Variants in ARHGAP22 observed in about 807,000 individuals in gnomAD.
The protein encoded by ARHGAP22 is rho GTPase-activating protein 22.
In ARHGAP22, 48 loss-of-function variants were observed where a neutral mutation model predicts 59.1. The observed-to-expected ratio is 0.81, with a 90% CI of 0.64 to 1.03. The LOEUF is 1.03. Among genes scored for constraint, ARHGAP22 ranks in the 50% least tolerant of loss-of-function variants. The pLI is 0.00. For synonymous variants in ARHGAP22, 445 were observed against 416.4 expected, an observed-to-expected ratio of 1.07 and a Z score of -0.84; for missense variants, 1,015 against 958.7, an observed-to-expected ratio of 1.06 and a Z score of -0.78.
chr10:48,537,619 C>T (rs571362762), intron 3 of ARHGAP22, among the ~76,000 whole-genome samples: 1 of 152,368 alleles, frequency 6.6e-6, no homozygotes, highest in African/African-American at 2.4e-5. Flanking sequence ...ATTACTGTCA[C>T]CATCCAGTGA....
At chr10:48,585,657 A>G (rs2059384787) in intron 1 of ARHGAP22, among the ~76,000 whole-genome samples, 1 of 152,162 alleles carries the variant, frequency 6.6e-6, no homozygotes, top group Non-Finnish European at 1.5e-5. Flanking sequence ...AGCAGCTGTG[A>G]TAGATCTATG....
chr10:48,443,122 C>G (rs1381789949), downstream of ARHGAP22, among the ~76,000 whole-genome samples: 1 of 152,104 alleles, frequency 6.6e-6, no homozygotes, highest in Non-Finnish European at 1.5e-5. Context: ...TGGCATTTTT[C>G]AGGACTTCTC....
chr10:48,582,615 A>G (rs889023854), intron 2 of ARHGAP22: 3 of 328,730 alleles, frequency 9.1e-6, no homozygotes, highest in Admixed American at 4.7e-5. Context: ...CCTGCAAGAT[A>G]CAAGTAATGA....
At chr10:48,465,466 C>T (rs987624979) in intron 4 of ARHGAP22, among the ~76,000 whole-genome samples, 5 of 152,382 alleles carry the variant, frequency 3.3e-5, no homozygotes, top group African/African-American at 4.8e-5. Context: ...GGCCACCTTC[C>T]GGGGTGTGAG....
chr10:48,575,872 C>A (rs1168876104), intron 2 of ARHGAP22, among the ~76,000 whole-genome samples: 3 of 152,194 alleles, frequency 2.0e-5, no homozygotes, highest in Admixed American at 1.3e-4. Flanking sequence ...TTGGCCTCAG[C>A]TGATATTAGA....
At chr10:48,562,479 G>A (rs2057752842) in intron 2 of ARHGAP22, among the ~76,000 whole-genome samples, 3 of 152,182 alleles carry the variant, frequency 2.0e-5, no homozygotes, top group Admixed American at 6.5e-5. Flanking sequence ...AACTCTTAAT[G>A]CACGCTGCAA....
chr10:48,496,387 G>A (rs1467830750), intron 3 of ARHGAP22, among the ~76,000 whole-genome samples: 1 of 152,252 alleles, frequency 6.6e-6, no homozygotes, highest in South Asian at 2.1e-4. Context: ...CCACATACAC[G>A]CAATCACATA....
chr10:48,622,885 G>A (rs2061330759), intron 1 of ARHGAP22, among the ~76,000 whole-genome samples: 1 of 152,156 alleles, frequency 6.6e-6, no homozygotes, highest in Non-Finnish European at 1.5e-5. Context: ...CTGCTCTTAA[G>A]AGCCACTAAA....
Position 48,611,983 on chromosome 10 carries a change from C to T in ARHGAP22, c.53-28831G>A, listed in dbSNP as rs540169282. On this transcript the variant is annotated intron_variant, in intron 1 of 9. Transcript: ENST00000435790. Reference sequence around the variant, plus strand: ...GACTACAGGTGCGTGCCACCACACCCGGCTACTTTTTGTATTTTTAGTAGA... The same window carrying T: ...GACTACAGGTGCGTGCCACCACACCTGGCTACTTTTTGTATTTTTAGTAGA... 6.7e-5 allele frequency among the ~76,000 whole-genome samples: 10 copies of T among 149,458 alleles called. No individual in the cohort carries two copies. The South Asian group carries it at 8.5e-4, about 13-fold the overall frequency.
chr10:48,625,199 T>C (rs1054867582), intron 1 of ARHGAP22: 1 of 152,130 alleles, frequency 6.6e-6, no homozygotes, highest in East Asian at 1.9e-4. Flanking sequence ...ATAGAGGAAG[T>C]CCCAGATCAT....
chr10:48,571,052 T>G (rs573747495), intron 2 of ARHGAP22, among the ~76,000 whole-genome samples: 1 of 152,228 alleles, frequency 6.6e-6, no homozygotes, highest in Admixed American at 6.5e-5. Flanking sequence ...CTTCCATTCC[T>G]CTTTGCCTTA....
chr10:48,643,849 A>C (rs2062173591), intron 1 of ARHGAP22, among the ~76,000 whole-genome samples: 1 of 152,090 alleles, frequency 6.6e-6, no homozygotes, highest in African/African-American at 2.4e-5. Flanking sequence ...ATAGACATTA[A>C]GAAAAGAAAC....
chr10:48,462,435 T>C (rs778714582), intron 4 of ARHGAP22, among the ~76,000 whole-genome samples: 5 of 152,148 alleles, frequency 3.3e-5, no homozygotes, highest in Admixed American at 1.3e-4. Context: ...GTTCAGTTTG[T>C]AGGATGTTTG....
intron 1 of ARHGAP22, among the ~76,000 whole-genome samples, chr10:48,616,068 T>A (rs1006585739): frequency 2.6e-5 from 4 of 152,192 alleles, no homozygotes; most frequent in African/African-American, 9.6e-5. Context: ...CTTCACTTTA[T>A]TCCACTTGGC....
intron 1 of ARHGAP22, among the ~76,000 whole-genome samples, chr10:48,647,113 G>C (rs750762127): frequency 1.3e-5 from 2 of 152,158 alleles, no homozygotes; most frequent in Non-Finnish European, 2.9e-5. Flanking sequence ...ATACAAACAG[G>C]CTGGGCTTGG....
Position 48,642,143 on chromosome 10 carries a change from A to G in ARHGAP22, c.52+10091T>C, listed in dbSNP as rs577851568. Among the ~76,000 whole-genome samples the G allele has an allele frequency of 4.6e-5, 7 of 152,308 alleles. No individual in the cohort carries two copies. In the East Asian group the frequency reaches 1.3e-3, roughly 29 times the overall value. On this transcript the variant is annotated intron_variant, in intron 1 of 9. Coordinates refer to the ARHGAP22 transcript ENST00000435790. ...CTCATGGATAGGAAGAATCAATATC[A>G]TGAAAATGGCCATACTGCCCAAGGT...
chr10:48,566,128 C>A (rs570098846), intron 2 of ARHGAP22, among the ~76,000 whole-genome samples: 1 of 152,344 alleles, frequency 6.6e-6, no homozygotes, highest in East Asian at 1.9e-4. Flanking sequence ...GTCTAGGAGA[C>A]TGCCTGAAGA....
intron 1 of ARHGAP22, among the ~76,000 whole-genome samples, chr10:48,597,946 A>G (rs1300966425): frequency 6.6e-6 from 1 of 152,202 alleles, no homozygotes; most frequent in African/African-American, 2.4e-5. Flanking sequence ...AGTGGAGTCC[A>G]AGGTGGCCTC....
chr10:48,539,670 AAT>A (rs1468010470), intron 3 of ARHGAP22, among the ~76,000 whole-genome samples: 6 of 152,320 alleles, frequency 3.9e-5, no homozygotes, highest in Non-Finnish European at 7.3e-5. Context: ...TGAAATGTCT[AAT>A]ATTTTAGCTG....
Sources: allele counts gnomAD v4.1 joint callset (sites outside exome capture counted in the v4.1 genomes callset), GRCh38; gene constraint gnomAD v4.1.1; transcripts MANE v1.5; gene names NCBI Gene and HGNC (gene_info 2026-07-23, HGNC 2026-07-21).